Variants in HTR7 observed in about 807,000 individuals in gnomAD.
HTR7 encodes the protein 5-HT-7.
In HTR7, 16 loss-of-function variants were observed where a neutral mutation model predicts 34.0. The observed-to-expected ratio is 0.47, with a 90% confidence interval of 0.32 to 0.71. HTR7 has a LOEUF of 0.71. HTR7 is among the 30% of genes least tolerant of loss of function. The pLI is 0.04. For missense variants in HTR7, 504 were observed against 625.5 expected (o/e 0.81, Z 2.07); for synonymous variants, 265 against 260.2 (o/e 1.02, Z -0.18).
chr10:90,805,378 C>T (rs1300880045), intron 1 of HTR7, among the ~76,000 whole-genome samples: 5 of 152,182 alleles, frequency 3.3e-5, no homozygotes, highest in Non-Finnish European at 5.9e-5. Flanking sequence ...CTTTGAATCT[C>T]TTTGTGAAAG....
chr10:90,831,518 A>T (rs751429067), intron 1 of HTR7, among the ~76,000 whole-genome samples: 1 of 152,180 alleles, frequency 6.6e-6, no homozygotes, highest in Non-Finnish European at 1.5e-5. Context: ...CAGTAGCAAG[A>T]TCTATTGCAA....
At chr10:90,837,984 C>T (rs1026715528) in intron 1 of HTR7, among the ~76,000 whole-genome samples, 4 of 152,160 alleles carry the variant, frequency 2.6e-5, no homozygotes, top group African/African-American at 9.7e-5. Flanking sequence ...ACTAACCATC[C>T]CTTTTTAAGC....
At position 90,857,002 on chromosome 10, in the gene HTR7, C is replaced by A. The variant is rs1846590836; in HGVS notation, c.539+131G>T. 2.8e-5 allele frequency: 22 copies of A among 788,504 alleles called. No individual in the cohort carries two copies. The South Asian group carries it at 3.9e-4, about 14-fold the overall frequency. The allele number at this position is 788,504 out of a possible 1,614,324, so 48.8% of individuals were successfully genotyped here. A position where few individuals can be genotyped will look rare whatever the true frequency, so the allele number is the denominator to read the frequency against. On this transcript the variant is annotated intron_variant, in intron 1 of 3. Coordinates refer to ENST00000336152, the MANE Select transcript of HTR7 (RefSeq NM_019859.4). This position sits in a 1 kb window ranked among gnomAD's most constrained non-coding sequence, Gnocchi z 6.5. ...TTGGTGTAGGGTGGATTGGGGGGAG[C>A]GGTGTTTTAAGCGCAGCCCTTCATC...
chr10:90,743,760 A>T, intron 2 of HTR7, 70 bp from the exon 3 acceptor site: 1 of 1,132,568 alleles, frequency 8.8e-7, no homozygotes, highest in Non-Finnish European at 1.3e-6. Context: ...AGAATCCTTG[A>T]TTATATTTCA....
chr10:90,837,298 T>C (rs1589476007), intron 1 of HTR7, among the ~76,000 whole-genome samples: 1 of 152,206 alleles, frequency 6.6e-6, no homozygotes, highest in Non-Finnish European at 1.5e-5. Context: ...TATTAGGAAG[T>C]TGAAGTGAAT....
chr10:90,807,649 C>T (rs1328096002), intron 1 of HTR7, among the ~76,000 whole-genome samples: 5 of 152,206 alleles, frequency 3.3e-5, no homozygotes, highest in East Asian at 1.9e-4. Flanking sequence ...ACTCTCTTTT[C>T]GGACTCAGCC....
intron 1 of HTR7, among the ~76,000 whole-genome samples, chr10:90,821,380 G>C (rs1845978722): frequency 6.6e-6 from 1 of 152,194 alleles, no homozygotes; most frequent in African/African-American, 2.4e-5. Context: ...AGTGCTGTCT[G>C]TCACAGTGAA....
At chr10:90,800,410 A>G (rs761084978) in intron 1 of HTR7, among the ~76,000 whole-genome samples, 2 of 152,220 alleles carry the variant, frequency 1.3e-5, no homozygotes, top group Non-Finnish European at 2.9e-5. Flanking sequence ...GCTGAGTCAC[A>G]GTGACAAGGG....
intron 1 of HTR7, among the ~76,000 whole-genome samples, chr10:90,820,354 G>T (rs1206848018): frequency 6.6e-6 from 1 of 152,092 alleles, no homozygotes. Context: ...ATCTGAACAC[G>T]GTGTTCAGAA....
intron 1 of HTR7, among the ~76,000 whole-genome samples, chr10:90,798,033 G>A (rs1751776116): frequency 6.6e-6 from 1 of 152,092 alleles, no homozygotes; most frequent in South Asian, 2.1e-4. Flanking sequence ...ACTGATGAGG[G>A]TAGATCCCTC....
chr10:90,815,639 C>T lies in HTR7; in HGVS notation c.539+41494G>A, dbSNP rs368334053. Among the ~76,000 whole-genome samples, 138 of 152,110 alleles carry T rather than the reference C, an allele frequency of 9.1e-4. 1 individual carries two copies. Among genetic ancestry groups the T allele is most frequent in the African/African-American group, 3.0e-3 (126 of 41,504 alleles). ...AACACTGGGCTTGACACCTGGGTGACGGGATGATATGTGCAACTGGCCATC... is the reference window on the plus strand; with the variant it reads ...AACACTGGGCTTGACACCTGGGTGATGGGATGATATGTGCAACTGGCCATC... On this transcript the variant is annotated intron_variant, in intron 1 of 3. Transcript: ENST00000336152.
chr10:90,807,830 G>A (rs183518131), intron 1 of HTR7, among the ~76,000 whole-genome samples: 2,437 of 152,218 alleles, frequency 0.016, 69 homozygotes, highest in African/African-American at 0.055. Context: ...ATCCACCTAC[G>A]ACCTCAGGTC....
intron 1 of HTR7, among the ~76,000 whole-genome samples, chr10:90,798,267 G>C (rs572456339): frequency 4.5e-4 from 69 of 152,110 alleles, no homozygotes; most frequent in African/African-American, 1.2e-3. Context: ...TTCAGGACTG[G>C]GTACAATCCT....
chr10:90,853,359 C>T (rs1187672250), intron 1 of HTR7, among the ~76,000 whole-genome samples: 5 of 148,260 alleles, frequency 3.4e-5, no homozygotes, highest in African/African-American at 5.0e-5. Flanking sequence ...AATCTTGGCT[C>T]GCTGCAGCCT....
In HTR7 at chr10:90,857,166, G is replaced by A. The variant is rs766505727; in HGVS notation, c.506C>T (p.Ser169Leu). The A allele has an allele frequency of 6.2e-7, 1 of 1,611,090 alleles. No individual in the cohort carries two copies. The highest frequency in any genetic ancestry group is 8.5e-7 in the Non-Finnish European group (1 of 1,178,398). ...IAMDVMCCTA[S>L]IMTLCVISID... ...GCTGATCACGCACAGGGTCATGATCGAGGCCGTGCAGCACATGACGTCCAT... is the reference window on the plus strand; with the variant it reads ...GCTGATCACGCACAGGGTCATGATCAAGGCCGTGCAGCACATGACGTCCAT... Residue 169 changes from serine (S) to leucine (L), a missense_variant, in exon 1 of 4, where the codon TCG becomes TTG. By Grantham distance (145) the Ser-to-Leu change is moderately radical. This residue lies in a region of HTR7 where 154 missense variants were observed against 248.8 expected (regional missense o/e 0.62). Transcript: ENST00000336152. The surrounding 1 kb of genome is among the most constrained non-coding windows in gnomAD (Gnocchi z 6.5).
intron 1 of HTR7, among the ~76,000 whole-genome samples, chr10:90,756,249 TTC>T (rs551548581): frequency 1.6e-4 from 24 of 152,366 alleles, no homozygotes; most frequent in African/African-American, 4.8e-4. Context: ...TCTGAAAATG[TTC>T]TTTCTCTTCC....
intron 1 of HTR7, among the ~76,000 whole-genome samples, chr10:90,827,357 G>T (rs533956031): frequency 3.2e-4 from 49 of 152,198 alleles, no homozygotes; most frequent in Non-Finnish European, 5.3e-4. Context: ...ACCAGCCTGG[G>T]CAACAAAGTG....
rs1314564115 is a variant in HTR7, at chr10:90,743,545, T to C, written c.1393+48A>G. ...TCACATAGTTCATGTTCTGAATTCCTCCAGACCACAGCACTATCTCCAAAG... is the reference window on the plus strand; with the variant it reads ...TCACATAGTTCATGTTCTGAATTCCCCCAGACCACAGCACTATCTCCAAAG... On this transcript the variant is annotated intron_variant, in intron 3 of 3. Transcript: ENST00000336152. 4.2e-6 allele frequency: 6 copies of C among 1,428,668 alleles called. No homozygotes were observed. The South Asian group carries it at 6.9e-5, about 16-fold the overall frequency. 88.5% of individuals were successfully genotyped at this position (1,428,668 alleles called of 1,614,324 possible).
chr10:90,755,123 C>T (rs1389959336), intron 1 of HTR7, among the ~76,000 whole-genome samples: 2 of 152,222 alleles, frequency 1.3e-5, no homozygotes, highest in African/African-American at 2.4e-5. Flanking sequence ...AGCCTTCTCC[C>T]ATTCAATTAC....
Sources: gnomAD v4.1 joint callset for allele counts (sites outside exome capture counted in the v4.1 genomes callset) on GRCh38, gnomAD v4.1.1 for gene constraint, gnomAD v4.1.1 regional missense constraint, Gnocchi (gnomAD v3.1) non-coding constraint, MANE v1.5 for transcripts, NCBI Gene and HGNC (gene_info 2026-07-23, HGNC 2026-07-21) for gene names.